POLR1A: variants seen among roughly 807,000 people sequenced by gnomAD.
POLR1A encodes RNA polymerase I subunit A.
Under a neutral mutation model 205.3 loss-of-function variants are expected in POLR1A, and 84 were observed. The ratio of observed to expected loss-of-function variants is 0.41; its 90% CI spans 0.34 to 0.49. POLR1A has a LOEUF of 0.49. Among genes scored for constraint, POLR1A ranks in the 20% least tolerant of loss-of-function variants. POLR1A has a pLI of 0.22. For synonymous variants in POLR1A, 799 were observed against 863.7 expected (o/e 0.93, Z 1.31); for missense variants, 1,645 against 2,204.5 (o/e 0.75, Z 5.08).
At chr2:86,092,077 C>T (rs532296503) in intron 3 of POLR1A, among the ~76,000 whole-genome samples, 1 of 152,212 alleles carries the variant, frequency 6.6e-6, no homozygotes, top group Admixed American at 6.5e-5. Flanking sequence ...GACTGTGCCA[C>T]TGCACTCCAG....
chr2:86,057,542 C>G (rs985232712), intron 14 of POLR1A, among the ~76,000 whole-genome samples: 11 of 151,856 alleles, frequency 7.2e-5, no homozygotes, highest in Non-Finnish European at 1.5e-5. Flanking sequence ...TTGTAGTATC[C>G]AAAAAATGGA....
At chr2:86,034,762 C>T (rs1672464011) in intron 27 of POLR1A, among the ~76,000 whole-genome samples, 1 of 152,154 alleles carries the variant, frequency 6.6e-6, no homozygotes, top group African/African-American at 2.4e-5. Flanking sequence ...GACTCCAGGC[C>T]CTCAAGGAGC....
rs555780572 is a variant in POLR1A, at chr2:86,054,397, T to TGG, written c.2059-109_2059-108insCC. 5.1e-5 allele frequency: 57 copies of TGG among 1,108,476 alleles called. No homozygotes were observed. The Admixed American group carries it at 7.4e-4, about 14-fold the overall frequency. 68.7% of individuals were successfully genotyped at this position (1,108,476 alleles called of 1,614,324 possible). A position where few individuals can be genotyped will look rare whatever the true frequency, so the allele number is the denominator to read the frequency against. On this transcript the variant is annotated intron_variant, in intron 14 of 33. Transcript: ENST00000263857. ...TAAGAACTTCCCTTTTAGGACCTCCTGCCCTTGCAATGCCATTTCTGATGA... is the reference window on the plus strand; with the variant it reads ...TAAGAACTTCCCTTTTAGGACCTCCTGGGCCCTTGCAATGCCATTTCTGATGA...
intron 20 of POLR1A, 65 bp from the exon 21 acceptor site, chr2:86,045,425 A>T: frequency 7.4e-7 from 1 of 1,356,842 alleles, no homozygotes; most frequent in Non-Finnish European, 1.1e-6. Context: ...TGAAGGGCTC[A>T]GGCCAACACC....
chr2:86,049,917 T>TTTTTG (rs201833365), intron 16 of POLR1A, among the ~76,000 whole-genome samples: 1,864 of 152,162 alleles, frequency 0.012, 49 homozygotes, highest in African/African-American at 0.043. Flanking sequence ...TAGTGTTTTT[T>TTTTTG]TTTTTGTTTT....
intron 12 of POLR1A, among the ~76,000 whole-genome samples, chr2:86,073,574 C>A (rs955204259): frequency 6.6e-6 from 1 of 152,216 alleles, no homozygotes. Context: ...CCTGCACATT[C>A]CCCTCAAACT....
intron 1 of POLR1A, among the ~76,000 whole-genome samples, chr2:86,100,576 C>T (rs1673800776): frequency 6.6e-6 from 1 of 151,330 alleles, no homozygotes; most frequent in Non-Finnish European, 1.5e-5. Context: ...TCCTGTTGCC[C>T]AGGCTAGAGT....
At chr2:86,048,785 C>G in intron 18 of POLR1A, 99 bp downstream of exon 18, 3 of 1,111,170 alleles carry the variant, frequency 2.7e-6, no homozygotes, top group Non-Finnish European at 1.3e-6. Context: ...GTTCAACAGC[C>G]AAGGTGCTCT....
chr2:86,069,441 G>A lies in POLR1A; in HGVS notation c.1866+577C>T, dbSNP rs969392812. Among the ~76,000 whole-genome samples the A allele has an allele frequency of 3.3e-5, 5 of 152,208 alleles. 1 individual carries two copies. Among genetic ancestry groups the A allele is most frequent in the Admixed American group, 3.3e-4 (5 of 15,280 alleles). The stretch of plus-strand genomic sequence containing the variant: ...CTGGCCAAGAGTCAGCTGCTAAGGA[G>A]ACGGGGGAGGAAGTTCTATCCTTCC... On this transcript the variant is annotated intron_variant, in intron 13 of 33. Transcript: ENST00000263857.
In POLR1A at chr2:86,028,669, T is replaced by C. The variant is rs1350181904; in HGVS notation, c.4822A>G (p.Ile1608Val). The change falls in exon 32 of 34, where the codon ATA (isoleucine) becomes GTA (valine). Residue 1608 changes from isoleucine to valine, a missense_variant. Around this residue, in one of 16 missense-constraint regions of POLR1A, gnomAD observed 394 missense variants for 468.5 expected, o/e 0.84. Transcript: ENST00000263857. This position sits in a 1 kb window ranked among gnomAD's most constrained non-coding sequence, Gnocchi z 4.5. ...GCCTCAATGCCATACGTGTTGGCTA[T>C]GGCGTGGATGTCGTTGGAGTAGAGG... ...RRLYSNDIHAIANTYGIEAAL... is the reference protein window; with the variant it reads ...RRLYSNDIHAVANTYGIEAAL... The C allele has an allele frequency of 1.2e-6, 2 of 1,614,216 alleles. No homozygotes were observed. Among genetic ancestry groups the C allele is most frequent in the South Asian group, 1.1e-5 (1 of 91,082 alleles).
Position 86,083,154 on chromosome 2 carries a change from G to A in POLR1A, c.745C>T (p.Gln249Ter). 6.2e-7 allele frequency: 1 copy of A among 1,613,460 alleles called. No individual in the cohort carries two copies. Among genetic ancestry groups the A allele is most frequent in the Non-Finnish European group, 8.5e-7 (1 of 1,179,412 alleles). ...GTTAAGTATCCTCGTTTTCCTATCT[G>A]AGCTTCCTCAATTCCTGGAGCCAAG... is the stretch of plus-strand genomic sequence containing the variant. ...DSEPLGIEEAQIGKRGYLTPT... is the reference protein window; with the variant it reads ...DSEPLGIEEA The change falls in exon 7 of 34, where the codon CAG becomes TAG. Residue 249 changes from glutamine (Q) to a stop codon, truncating the protein, a stop_gained. Coordinates refer to ENST00000263857, the MANE Select transcript of POLR1A (RefSeq NM_015425.6). LOFTEE classifies it high-confidence loss of function.
At chr2:86,074,036 C>T (rs1002789695) in intron 12 of POLR1A, among the ~76,000 whole-genome samples, 4 of 152,176 alleles carry the variant, frequency 2.6e-5, no homozygotes, top group Non-Finnish European at 5.9e-5. Flanking sequence ...TTTGCATGTG[C>T]CCTGTCACCA....
Position 86,105,834 on chromosome 2 carries a change from T to A in POLR1A, c.-58A>T. ...AGAGACGTTCCACTCACCACCTGAC[T>A]ATTCTTAATTCAACCTCAAGCCCGG... is the stretch of plus-strand genomic sequence containing the variant. On this transcript the variant is annotated 5_prime_UTR_variant, in exon 1 of 34. Coordinates refer to ENST00000263857, the MANE Select transcript of POLR1A (RefSeq NM_015425.6). 7.0e-7 allele frequency: 1 copy of A among 1,420,248 alleles called. No individual in the cohort carries two copies. Among genetic ancestry groups the A allele is most frequent in the Non-Finnish European group, 9.9e-7 (1 of 1,007,854 alleles). 88.0% of individuals were successfully genotyped at this position (1,420,248 alleles called of 1,614,324 possible).
rs762778123 is a variant in POLR1A, at chr2:86,048,990, C to A, written c.2528G>T (p.Arg843Leu). 3 of 1,614,090 alleles carry A rather than the reference C, an allele frequency of 1.9e-6. No homozygotes were observed. Among genetic ancestry groups the A allele is most frequent in the Non-Finnish European group, 2.5e-6 (3 of 1,179,998 alleles). The change falls in exon 18 of 34, where the codon CGA becomes CTA. Residue 843 changes from arginine (R) to leucine (L), a missense_variant. Coordinates refer to ENST00000263857, the MANE Select transcript of POLR1A (RefSeq NM_015425.6). ...LPEAASYDEV[R>L]GKWQDAHLGK... is the part of the protein sequence containing the mutation. ...CAGATGGGCATCCTGCCATTTTCCT[C>A]GGACCTCATCATATGATGCGGCTTC... is the stretch of plus-strand genomic sequence containing the variant.
At chr2:86,059,777 G>A (rs1672963610) in intron 14 of POLR1A, among the ~76,000 whole-genome samples, 2 of 152,142 alleles carry the variant, frequency 1.3e-5, no homozygotes, top group Admixed American at 1.3e-4. Flanking sequence ...TATTGGCCAG[G>A]CTGGTGTCAA....
chr2:86,033,535 C>T, intron 28 of POLR1A, 126 bp downstream of exon 28: 1 of 1,094,622 alleles, frequency 9.1e-7, no homozygotes. Context: ...CAGGTAAAAG[C>T]TGAGATAGGT....
At chr2:86,072,996 T>C (rs1673207189) in intron 12 of POLR1A, among the ~76,000 whole-genome samples, 1 of 152,160 alleles carries the variant, frequency 6.6e-6, no homozygotes, top group African/African-American at 2.4e-5. Flanking sequence ...GCAGATCTCT[T>C]GGGCCTAGGA....
In POLR1A at chr2:86,065,309, T is replaced by C. The variant is rs1183377078; in HGVS notation, c.2023A>G (p.Ile675Val). The C allele has an allele frequency of 2.5e-6, 4 of 1,614,018 alleles. No homozygotes were observed. The African/African-American group carries it at 4.0e-5, about 16-fold the overall frequency. Residue 675 changes from isoleucine (I) to valine (V), a missense_variant, in exon 14 of 34, where the codon ATC becomes GTC. By Grantham distance (29) the Ile-to-Val change is conservative. Transcript: ENST00000263857. ...VGRVKLLSPS[I>V]LKPFPLWTGK... The stretch of plus-strand genomic sequence containing the variant: ...GTCCACAGCGGAAAGGGCTTCAGGA[T>C]GGAAGGAGAAAGGAGCTTCACGCGC...
rs778155860 is a variant in POLR1A, at chr2:86,038,883, T to C, written c.3877-26A>G. The stretch of plus-strand genomic sequence containing the variant: ...CTGGAACCAGACGGACAGAGAGAAC[T>C]TGACTTGTTCAGGTCCTAGGTGACT... On this transcript the variant is annotated intron_variant, in intron 26 of 33. Transcript: ENST00000263857. The C allele has an allele frequency of 3.1e-6, 5 of 1,612,726 alleles. No individual in the cohort carries two copies. The African/African-American group carries it at 6.7e-5, about 22-fold the overall frequency.
Sources: allele counts gnomAD v4.1 joint callset (sites outside exome capture counted in the v4.1 genomes callset), GRCh38; gene constraint gnomAD v4.1.1; regional missense constraint gnomAD v4.1.1; non-coding constraint Gnocchi (gnomAD v3.1); transcripts MANE v1.5; gene names NCBI Gene and HGNC (gene_info 2026-07-23, HGNC 2026-07-21).